DNMT1: variants seen among roughly 807,000 people sequenced by gnomAD.
The protein encoded by DNMT1 is DNA (cytosine-5)-methyltransferase 1.
Under a neutral mutation model 205.3 loss-of-function variants are expected in DNMT1, and 24 were observed. The ratio of observed to expected loss-of-function variants is 0.12; its 90% CI spans 0.08 to 0.16. The LOEUF is 0.16. DNMT1 is among the 10% of genes least tolerant of loss of function. DNMT1 has a pLI of 1.00. For missense variants in DNMT1, 1,293 were observed against 2,177.7 expected (o/e 0.59, Z 8.09); for synonymous variants, 817 against 839.8 (o/e 0.97, Z 0.47).
chr19:10,172,710 G>C (rs1371102172), intron 9 of DNMT1, among the ~76,000 whole-genome samples: 1 of 152,022 alleles, frequency 6.6e-6, no homozygotes, highest in Non-Finnish European at 1.5e-5. Flanking sequence ...AGTGACTCAA[G>C]AGGCTGGGAC....
rs747668607 is a variant in DNMT1 at position 10,160,044 on chromosome 19, G to A, written c.1063C>T (p.Arg355Cys). 33 of 1,605,708 alleles carry A rather than the reference G, an allele frequency of 2.1e-5. No homozygotes were observed. Among genetic ancestry groups the A allele is most frequent in the South Asian group, 5.5e-5 (5 of 90,662 alleles). The change falls in exon 15 of 41, where the codon CGC becomes TGC. Residue 355 changes from arginine (R) to cysteine (C), a missense_variant. By Grantham distance (180) the Arg-to-Cys change is radical. Coordinates refer to ENST00000359526, the MANE Select transcript of DNMT1 (RefSeq NM_001130823.3). ...TTGGAGTTCATGACTGTTTTGGCGCGAGCCATTTTTTTCTCCGTTCTGGGG... is the reference window on the plus strand; with the variant it reads ...TTGGAGTTCATGACTGTTTTGGCGCAAGCCATTTTTTTCTCCGTTCTGGGG... ...PKEPTEKKMA[R>C]AKTVMNSKTH...
intron 10 of DNMT1, among the ~76,000 whole-genome samples, chr19:10,168,057 G>C (rs945307219): frequency 1.3e-5 from 2 of 151,964 alleles, no homozygotes; most frequent in African/African-American, 4.8e-5. Context: ...CGGGAGGTGG[G>C]GGTTGCAGTG....
chr19:10,160,130 T>C, intron 14 of DNMT1, 67 bp from the exon 15 acceptor site: 1 of 1,603,894 alleles, frequency 6.2e-7, no homozygotes, highest in African/African-American at 1.3e-5. Context: ...AAATCGCCCC[T>C]GTGAGGTTTC....
rs977832207 is a variant in DNMT1, at chr19:10,146,408, C to T, written c.2837G>A (p.Gly946Asp). 1 of 1,614,114 alleles carries T rather than the reference C, an allele frequency of 6.2e-7. No homozygotes were observed. The highest frequency in any genetic ancestry group is 1.3e-5 in the African/African-American group (1 of 75,022). The change falls in exon 28 of 41, where the codon GGC (glycine) becomes GAC (aspartate). Residue 946 changes from glycine to aspartate, a missense_variant. Physicochemically the swap from Gly to Asp is moderately conservative, Grantham distance 94. This residue lies in a region of DNMT1 where 112 missense variants were observed against 116.6 expected (regional missense o/e 0.96). Coordinates refer to ENST00000359526, the MANE Select transcript of DNMT1 (RefSeq NM_001130823.3). This position sits in a 1 kb window ranked among gnomAD's most constrained non-coding sequence, Gnocchi z 4.4. ...RVLYYSATKN[G>D]ILYRVGDGVY... Reference sequence around the variant, plus strand: ...ACCATCACCAACTCGGTACAGGATGCCGTTCTTGGTGGCTGAGTAGTAGAG... The same window carrying T: ...ACCATCACCAACTCGGTACAGGATGTCGTTCTTGGTGGCTGAGTAGTAGAG...
rs139289510 is a variant in DNMT1, at chr19:10,143,048, G to T, written c.3116+718C>A. On this transcript the variant is annotated intron_variant, in intron 29 of 40. Transcript: ENST00000359526. ...AGTTTCAGGTTAATGCCTAATCACC[G>T]CAAGTTACTCGGGTCTTAGAAAAAG... 1.2e-3 allele frequency among the ~76,000 whole-genome samples: 188 copies of T among 152,346 alleles called. 4 individuals are homozygous for T. In the East Asian group the frequency reaches 0.033, roughly 26 times the overall value.
rs2038271025 is a variant in DNMT1 at position 10,149,012 on chromosome 19, G to A, written c.2592C>T (p.Gly864=). Residue 864 remains glycine (G), a synonymous_variant, in exon 27 of 41, where the codon GGC becomes GGT. Transcript: ENST00000359526. ...APSENWAMEG[G]MDPESLLEGD... ...CCTCCAGCAGGGACTCGGGATCCAT[G>A]CCTCCCTTGGGAGATAAGAATGCGT... The A allele has an allele frequency of 6.2e-7, 1 of 1,614,044 alleles. No individual in the cohort carries two copies. Among genetic ancestry groups the A allele is most frequent in the Admixed American group, 1.7e-5 (1 of 59,998 alleles).
intron 7 of DNMT1, among the ~76,000 whole-genome samples, chr19:10,175,119 AC>A (rs2038912168): frequency 8.3e-6 from 1 of 121,102 alleles, no homozygotes; most frequent in Non-Finnish European, 1.7e-5. Context: ...ACACACACAC[AC>A]ACACACACAT....
rs1222862545 is a variant in DNMT1 at position 10,138,037 on chromosome 19, C to T, written c.4116-28G>A. ...GCAACAGAGGAGGAGGTCAACACCT[C>T]TGGAGATGCACGCAGCAGCTGTCCC... is the stretch of plus-strand genomic sequence containing the variant. On this transcript the variant is annotated intron_variant, in intron 35 of 40. Coordinates refer to ENST00000359526, the MANE Select transcript of DNMT1 (RefSeq NM_001130823.3). The surrounding 1 kb of genome is among the most constrained non-coding windows in gnomAD (Gnocchi z 4.1). 1 of 1,601,598 alleles carries T rather than the reference C, an allele frequency of 6.2e-7. No homozygotes were observed. The highest frequency in any genetic ancestry group is 8.5e-7 in the Non-Finnish European group (1 of 1,174,352).
In DNMT1 at chr19:10,137,728, G is replaced by T. The variant is rs1016833819; in HGVS notation, c.4293+104C>A. 1.2e-4 allele frequency: 168 copies of T among 1,458,460 alleles called. No homozygotes were observed. The highest frequency in any genetic ancestry group is 1.4e-4 in the Non-Finnish European group (153 of 1,065,380). 90.3% of individuals were successfully genotyped at this position (1,458,460 alleles called of 1,614,324 possible). The stretch of plus-strand genomic sequence containing the variant: ...CTGAGGACTCGGGAGGAGGAGCCTG[G>T]GATCAGATTCCATGTCTCCCCTGAG... On this transcript the variant is annotated intron_variant, in intron 36 of 40. Coordinates refer to ENST00000359526, the MANE Select transcript of DNMT1 (RefSeq NM_001130823.3). The surrounding 1 kb of genome is among the most constrained non-coding windows in gnomAD (Gnocchi z 6.4).
In DNMT1 at chr19:10,194,929, C is replaced by A. The variant is rs761462800; in HGVS notation, c.-30G>T. 1 of 1,590,604 alleles carries A rather than the reference C, an allele frequency of 6.3e-7. No homozygotes were observed. Among genetic ancestry groups the A allele is most frequent in the South Asian group, 1.1e-5 (1 of 88,276 alleles). Reference sequence around the variant, plus strand: ...GAGGCTTCAGCAGACGCGGCGGCGGCAGCGCAGGCGCCCCGGCTTTTCGCG... The same window carrying A: ...GAGGCTTCAGCAGACGCGGCGGCGGAAGCGCAGGCGCCCCGGCTTTTCGCG... On this transcript the variant is annotated 5_prime_UTR_variant, in exon 1 of 41. Transcript: ENST00000359526.
intron 19 of DNMT1, 99 bp from the exon 20 acceptor site, chr19:10,155,155 C>A: frequency 6.7e-7 from 1 of 1,500,166 alleles, no homozygotes; most frequent in Non-Finnish European, 9.2e-7. Context: ...ACCCAACAGT[C>A]TAAAAGTCAT....
chr19:10,159,364 TACC>T lies in DNMT1; in HGVS notation c.1280+291_1280+293del, dbSNP rs2038519657. Among the ~76,000 whole-genome samples the T allele has an allele frequency of 6.6e-6, 1 of 152,136 alleles. No homozygotes were observed. Among genetic ancestry groups the T allele is most frequent in the Non-Finnish European group, 1.5e-5 (1 of 68,028 alleles). On this transcript the variant is annotated intron_variant, in intron 17 of 40. Coordinates refer to ENST00000359526, the MANE Select transcript of DNMT1 (RefSeq NM_001130823.3). This position sits in a 1 kb window ranked among gnomAD's most constrained non-coding sequence, Gnocchi z 5.0. ...TCGAGTAGTTGGGATTACAGTCGCG[TACC>T]ACCACACCTGGCTACTTTTTGTATT...
chr19:10,139,839 G>T (rs1316484383), intron 33 of DNMT1, 22 bp from the exon 34 acceptor site: 1 of 1,564,932 alleles, frequency 6.4e-7, no homozygotes, highest in South Asian at 1.2e-5. Flanking sequence ...AGGAGAGACT[G>T]CAGGAGTCAC....
At chr19:10,180,756 A>G in intron 3 of DNMT1, 22 bp downstream of exon 3, 1 of 1,609,916 alleles carries the variant, frequency 6.2e-7, no homozygotes. Flanking sequence ...TCTAGAGGCT[A>G]GGATGCTGAG....
intron 5 of DNMT1, among the ~76,000 whole-genome samples, chr19:10,179,126 C>CA (rs1000467616): frequency 0.019 from 1,214 of 62,804 alleles, 7 homozygotes; most frequent in Non-Finnish European, 0.024. Flanking sequence ...GACTCCATCT[C>CA]AAAAAAAAAA....
intron 1 of DNMT1, among the ~76,000 whole-genome samples, chr19:10,192,391 A>G (rs1349905489): frequency 6.6e-6 from 1 of 152,054 alleles, no homozygotes. Context: ...AACCCATGTC[A>G]TTATTCCTAG....
chr19:10,169,309 G>A (rs577440546), intron 9 of DNMT1, among the ~76,000 whole-genome samples: 67 of 149,078 alleles, frequency 4.5e-4, no homozygotes, highest in African/African-American at 1.2e-3. Flanking sequence ...TTGGGAGGCC[G>A]AGATGGGCAG....
rs962143387 is a variant in DNMT1, at chr19:10,135,950, T to G, written c.4657-98A>C. Reference sequence around the variant, plus strand: ...ATGGCACTGTGACAGCATACGGCCATGGCCTTGGCCTATGAGCTTGTCCCG... The same window carrying G: ...ATGGCACTGTGACAGCATACGGCCAGGGCCTTGGCCTATGAGCTTGTCCCG... On this transcript the variant is annotated intron_variant, in intron 38 of 40. Transcript: ENST00000359526. 5 of 1,487,674 alleles carry G rather than the reference T, an allele frequency of 3.4e-6. No homozygotes were observed. The African/African-American group carries it at 5.5e-5, about 16-fold the overall frequency. 92.2% of individuals were successfully genotyped at this position (1,487,674 alleles called of 1,614,324 possible). A position where few individuals can be genotyped will look rare whatever the true frequency, so the allele number is the denominator to read the frequency against.
rs990308462 is a variant in DNMT1, at chr19:10,155,156, TA to T, written c.1493-101del. On this transcript the variant is annotated intron_variant, in intron 19 of 40. Coordinates refer to ENST00000359526, the MANE Select transcript of DNMT1 (RefSeq NM_001130823.3). ...AGTCTACCAAACTCACCCAACAGTC[TA>T]AAAGTCATCCCGTACCCAAATGTCA... 31 of 1,493,566 alleles carry T rather than the reference TA, an allele frequency of 2.1e-5. No individual in the cohort carries two copies. In the African/African-American group the frequency reaches 3.6e-4, roughly 17 times the overall value. The allele number at this position is 1,493,566 out of a possible 1,614,324, so 92.5% of individuals were successfully genotyped here. A position where few individuals can be genotyped will look rare whatever the true frequency, so the allele number is the denominator to read the frequency against.
Sources: allele counts gnomAD v4.1 joint callset (sites outside exome capture counted in the v4.1 genomes callset), GRCh38; gene constraint gnomAD v4.1.1; regional missense constraint gnomAD v4.1.1; non-coding constraint Gnocchi (gnomAD v3.1); transcripts MANE v1.5; gene names NCBI Gene and HGNC (gene_info 2026-07-23, HGNC 2026-07-21).